Variants in ABCB4 observed in about 807,000 individuals in gnomAD.
ABCB4 encodes ATP binding cassette subfamily B member 4.
ABCB4 carries 76 observed loss-of-function variants against 145.7 expected under a neutral mutation model. That is an observed-to-expected ratio of 0.52 (90% CI 0.43 to 0.63). The LOEUF is 0.63. ABCB4 is among the 30% of genes least tolerant of loss of function. The pLI is 0.00. For synonymous variants in ABCB4, 517 were observed against 566.8 expected (o/e 0.91, Z 1.25); for missense variants, 1,234 against 1,553.1 (o/e 0.79, Z 3.45).
intron 27 of ABCB4, among the ~76,000 whole-genome samples, chr7:87,402,866 G>A (rs1369494544): frequency 2.6e-5 from 4 of 152,076 alleles, no homozygotes; most frequent in African/African-American, 9.7e-5. Context: ...GGGCATAGTG[G>A]CAGGCACCTG....
chr7:87,404,671 C>T (rs1808050323), intron 26 of ABCB4, among the ~76,000 whole-genome samples: 1 of 151,972 alleles, frequency 6.6e-6, no homozygotes, highest in African/African-American at 2.4e-5. Context: ...GAAAACTCAG[C>T]AGTAAAAGAT....
the ABCB4 span, chr7:87,382,128 G>A: frequency 6.2e-7 from 1 of 1,613,478 alleles, no homozygotes; most frequent in Non-Finnish European, 8.5e-7. Context: ...TTTCATTGTG[G>A]ATGAGAAAGT....
chr7:87,446,029 G>A (rs1811323889), intron 9 of ABCB4, among the ~76,000 whole-genome samples: 1 of 152,262 alleles, frequency 6.6e-6, no homozygotes, highest in Middle Eastern at 3.4e-3. Context: ...TAGTAAATGA[G>A]GAAGTGAAGA....
intron 20 of ABCB4, 116 bp from the exon 21 acceptor site, chr7:87,417,631 A>G: frequency 1.2e-6 from 1 of 810,362 alleles, no homozygotes; most frequent in Non-Finnish European, 2.1e-6. Context: ...ACATTGGCTT[A>G]CTTTCATTAC....
Position 87,440,368 on chromosome 7 carries a change from T to A in ABCB4, c.1391A>T (p.Asn464Ile). The A allele has an allele frequency of 6.2e-7, 1 of 1,614,142 alleles. No individual in the cohort carries two copies. Among genetic ancestry groups the A allele is most frequent in the Non-Finnish European group, 8.5e-7 (1 of 1,180,010 alleles). ...AATGATTTCCCTCAGATAGTTTACATTAAAGTTCCTAATATCCTGCCCATC... is the reference window on the plus strand; with the variant it reads ...AATGATTTCCCTCAGATAGTTTACAATAAAGTTCCTAATATCCTGCCCATC... ...NIDGQDIRNFNVNYLREIIGV... is the reference protein window; with the variant it reads ...NIDGQDIRNFIVNYLREIIGV... Residue 464 changes from asparagine (N) to isoleucine (I), a missense_variant, in exon 13 of 28, where the codon AAT becomes ATT. Asn to Ile is a moderately radical substitution (Grantham distance 149). Transcript: ENST00000649586.
chr7:87,398,387 C>CAATT, downstream of ABCB4: 1 of 1,021,112 alleles, frequency 9.8e-7, no homozygotes. Flanking sequence ...TCAATTGTGT[C>CAATT]AGGTTACATT....
At position 87,439,731 on chromosome 7, in the gene ABCB4, A is replaced by G; in HGVS notation, c.1667T>C (p.Leu556Pro). 1 of 1,614,154 alleles carries G rather than the reference A, an allele frequency of 6.2e-7. No individual in the cohort carries two copies. Among genetic ancestry groups the G allele is most frequent in the Non-Finnish European group, 8.5e-7 (1 of 1,180,022 alleles). The stretch of plus-strand genomic sequence containing the variant: ...GTCCAATGCTGACGTGGCCTCATCC[A>G]GCAGAAGGATCTTGGGGTTGCGAAC... Reference protein sequence around the residue: ...ALVRNPKILLLDEATSALDTE... With the variant: ...ALVRNPKILLPDEATSALDTE... Residue 556 changes from leucine (L) to proline (P), a missense_variant, in exon 14 of 28, where the codon CTG becomes CCG. Physicochemically the swap from Leu to Pro is moderately conservative, Grantham distance 98. This residue lies in a region of ABCB4 where 467 missense variants were observed against 632.8 expected (regional missense o/e 0.74). Coordinates refer to ENST00000649586, the MANE Select transcript of ABCB4 (RefSeq NM_000443.4).
chr7:87,474,261 A>C lies in ABCB4; in HGVS notation c.80+1125T>G, dbSNP rs553346985. ...GCCATCTATTAATAGACTCACAGTC[A>C]ATCCCTGCCTAAACAGCCAGCTGAT... is the stretch of plus-strand genomic sequence containing the variant. On this transcript the variant is annotated intron_variant, in intron 2 of 27. Transcript: ENST00000649586. 5.9e-5 allele frequency among the ~76,000 whole-genome samples: 9 copies of C among 152,360 alleles called. No homozygotes were observed. In the South Asian group the frequency reaches 1.9e-3, roughly 32 times the overall value.
In ABCB4 at chr7:87,426,815, T is replaced by C. The variant is rs139360377; in HGVS notation, c.1999A>G (p.Thr667Ala). The change falls in exon 16 of 28, where the codon ACT becomes GCT. Residue 667 changes from threonine (T) to alanine (A), a missense_variant. Physicochemically the swap from Thr to Ala is moderately conservative, Grantham distance 58 (BLOSUM62 0). This residue lies in a region of ABCB4 where 321 missense variants were observed against 332.6 expected (regional missense o/e 0.97). Transcript: ENST00000649586. ...TGTGAATTTTTAAGGTTTTTCTGAGTAGAATGCCTAAATAGGCGAGATTTC... is the reference window on the plus strand; with the variant it reads ...TGTGAATTTTTAAGGTTTTTCTGAGCAGAATGCCTAAATAGGCGAGATTTC... ...GWKSRLFRHS[T>A]QKNLKNSQMC... The C allele has an allele frequency of 6.2e-7, 1 of 1,613,878 alleles. No individual in the cohort carries two copies. The highest frequency in any genetic ancestry group is 1.3e-5 in the African/African-American group (1 of 74,902).
rs387906529 is a variant in ABCB4 at position 87,423,947 on chromosome 7, G to GC, written c.2169dup (p.Leu724AlafsTer21). 4 of 1,614,000 alleles carry GC rather than the reference G, an allele frequency of 2.5e-6. No individual in the cohort carries two copies. The highest frequency in any genetic ancestry group is 1.7e-6 in the Non-Finnish European group (2 of 1,179,964). On this transcript the variant is annotated frameshift_variant, in exon 17 of 28. Coordinates refer to ENST00000649586, the MANE Select transcript of ABCB4 (RefSeq NM_000443.4). LOFTEE classifies it high-confidence loss of function. ...AATATGACTGAAAATGCCGGCTGAA[G>GC]CCCCCCATTGGCAATGGCACATACT...
rs554922994 is a variant in ABCB4, at chr7:87,426,053, C to A, written c.2064+697G>T. 2.0e-5 allele frequency among the ~76,000 whole-genome samples: 3 copies of A among 151,898 alleles called. No individual in the cohort carries two copies. The South Asian group carries it at 6.2e-4, about 32-fold the overall frequency. On this transcript the variant is annotated intron_variant, in intron 16 of 27. Coordinates refer to ENST00000649586, the MANE Select transcript of ABCB4 (RefSeq NM_000443.4). ...AAAAAAAAAAATTGAATTTTCCATA[C>A]TCATTGCTAAGTATGGCCATGTGAT... is the stretch of plus-strand genomic sequence containing the variant.
At chr7:87,456,985 A>G (rs972043853) in intron 4 of ABCB4, among the ~76,000 whole-genome samples, 1 of 151,988 alleles carries the variant, frequency 6.6e-6, no homozygotes, top group African/African-American at 2.4e-5. Context: ...CGATATCTAC[A>G]TGGTCATTTG....
chr7:87,428,718 CAG>C (rs1384712980), intron 15 of ABCB4, among the ~76,000 whole-genome samples: 1 of 151,972 alleles, frequency 6.6e-6, no homozygotes, highest in Non-Finnish European at 1.5e-5. Context: ...AATACTTTCA[CAG>C]AGGAAGAAAA....
the ABCB4 span, among the ~76,000 whole-genome samples, chr7:87,389,283 A>G: frequency 1.3e-5 from 2 of 152,202 alleles, no homozygotes; most frequent in Admixed American, 6.5e-5. Context: ...ATATATACCC[A>G]AAGGATTATA....
chr7:87,454,518 C>A lies in ABCB4; in HGVS notation c.344+17G>T. 6.3e-7 allele frequency: 1 copy of A among 1,580,736 alleles called. No homozygotes were observed. Among genetic ancestry groups the A allele is most frequent in the Non-Finnish European group, 8.7e-7 (1 of 1,153,408 alleles). ...TCAAATGAAACTTTAAAAAAGTAGA[C>A]CATATATATGAGTTACCTAGTCATT... On this transcript the variant is annotated intron_variant, in intron 5 of 27. Coordinates refer to ENST00000649586, the MANE Select transcript of ABCB4 (RefSeq NM_000443.4).
intron 12 of ABCB4, among the ~76,000 whole-genome samples, chr7:87,440,858 A>G (rs967068460): frequency 1.3e-5 from 2 of 152,040 alleles, no homozygotes; most frequent in Admixed American, 6.6e-5. Flanking sequence ...CTCCTGCCTC[A>G]GCCTCGAGAG....
intron 14 of ABCB4, among the ~76,000 whole-genome samples, chr7:87,434,531 C>T (rs567143326): frequency 7.9e-5 from 12 of 152,122 alleles, no homozygotes; most frequent in Non-Finnish European, 1.5e-4. Context: ...AGGCGAATCA[C>T]GAGATCAAGA....
At chr7:87,389,006 A>G in the ABCB4 span, among the ~76,000 whole-genome samples, 1 of 152,254 alleles carries the variant, frequency 6.6e-6, no homozygotes, top group Non-Finnish European at 1.5e-5. Flanking sequence ...TATGTGGCCA[A>G]CAAACAAATG....
the ABCB4 span, chr7:87,381,979 G>A: frequency 6.2e-7 from 1 of 1,605,000 alleles, no homozygotes; most frequent in Non-Finnish European, 8.5e-7. Flanking sequence ...TTTTCAGAAT[G>A]AAGGAAGATG....
Sources: allele counts gnomAD v4.1 joint callset (sites outside exome capture counted in the v4.1 genomes callset), GRCh38; gene constraint gnomAD v4.1.1; regional missense constraint gnomAD v4.1.1; transcripts MANE v1.5; gene names NCBI Gene and HGNC (gene_info 2026-07-23, HGNC 2026-07-21).